The following GRK3 variants were observed in gnomAD, a reference collection of about 807,000 sequenced individuals.
The protein encoded by GRK3 is adrenergic, beta, receptor kinase 2.
Under a neutral mutation model 95.7 loss-of-function variants are expected in GRK3, and 54 were observed. That is an observed-to-expected ratio of 0.56 (90% CI 0.45 to 0.71). The LOEUF (loss-of-function observed/expected upper bound fraction) is 0.71, where lower values mean the gene tolerates loss of function less well. GRK3 is among the 30% of genes least tolerant of loss of function. The pLI is 0.00. For missense variants in GRK3, 649 were observed against 851.2 expected, an observed-to-expected ratio of 0.76 and a Z score of 2.96; for synonymous variants, 281 against 290.8, an observed-to-expected ratio of 0.97 and a Z score of 0.34.
chr22:25,725,799 A>G lies in GRK3; in HGVS notation c.*3349A>G, dbSNP rs2085468892. 10 of 377,182 alleles carry G rather than the reference A, an allele frequency of 2.7e-5. No individual in the cohort carries two copies. Among genetic ancestry groups the G allele is most frequent in the Admixed American group, 4.5e-5 (1 of 22,008 alleles). The allele number at this position is 377,182 out of a possible 1,614,324, so 23.4% of individuals were successfully genotyped here. On this transcript the variant is annotated 3_prime_UTR_variant, in exon 21 of 21. Transcript: ENST00000324198. ...GTCTCTACTAAAAATACAAATAAAAATTAGCCGGGCGTGGTGGCGGGCGCC... is the reference window on the plus strand; with the variant it reads ...GTCTCTACTAAAAATACAAATAAAAGTTAGCCGGGCGTGGTGGCGGGCGCC...
chr22:25,644,879 A>G (rs1183051921), intron 3 of GRK3, among the ~76,000 whole-genome samples: 1 of 152,202 alleles, frequency 6.6e-6, no homozygotes, highest in Non-Finnish European at 1.5e-5. Flanking sequence ...TCAGAGTGCT[A>G]TGGAAGCAAT....
chr22:25,686,494 G>A (rs2085115603), intron 10 of GRK3, among the ~76,000 whole-genome samples: 1 of 152,180 alleles, frequency 6.6e-6, no homozygotes, highest in Admixed American at 6.5e-5. Flanking sequence ...TCTTGATGTG[G>A]TGGTGGTTTT....
chr22:25,684,943 G>T (rs957855098), intron 9 of GRK3, among the ~76,000 whole-genome samples: 3 of 152,180 alleles, frequency 2.0e-5, no homozygotes, highest in African/African-American at 7.2e-5. Context: ...TCACCACAAA[G>T]AAGTGATAAT....
intron 18 of GRK3, 121 bp from the exon 19 acceptor site, chr22:25,718,124 G>A (rs1000305149): frequency 1.7e-5 from 19 of 1,114,818 alleles, no homozygotes; most frequent in East Asian, 2.4e-5. Flanking sequence ...TCTGTAATGC[G>A]TTCTATTTAT....
At chr22:25,668,880 C>T (rs906477562) in intron 6 of GRK3, among the ~76,000 whole-genome samples, 1 of 152,108 alleles carries the variant, frequency 6.6e-6, no homozygotes, top group Non-Finnish European at 1.5e-5. Flanking sequence ...TATAACTTTG[C>T]CATGCATCCT....
At chr22:25,595,660 A>G (rs1414894269) in intron 1 of GRK3, among the ~76,000 whole-genome samples, 1 of 152,248 alleles carries the variant, frequency 6.6e-6, no homozygotes, top group Admixed American at 6.5e-5. Context: ...AAATAAATAA[A>G]AAATTGCCAG....
rs573726071 is a variant in GRK3 at position 25,669,728 on chromosome 22, G to A, written c.503+1928G>A. Among the ~76,000 whole-genome samples the A allele has an allele frequency of 1.2e-3, 176 of 152,300 alleles. 1 individual carries two copies. Among genetic ancestry groups the A allele is most frequent in the African/African-American group, 4.1e-3 (172 of 41,568 alleles). ...AGGGCCATCTGTACTTCCTAAAGAGGAACTTGTTACAGCAAATCCATTCTT... is the reference window on the plus strand; with the variant it reads ...AGGGCCATCTGTACTTCCTAAAGAGAAACTTGTTACAGCAAATCCATTCTT... On this transcript the variant is annotated intron_variant, in intron 6 of 20. Transcript: ENST00000324198.
intron 13 of GRK3, among the ~76,000 whole-genome samples, chr22:25,696,112 G>C (rs1457394861): frequency 6.6e-6 from 1 of 151,932 alleles, no homozygotes; most frequent in African/African-American, 2.4e-5. Flanking sequence ...TGGGATTACA[G>C]GTATGAGCCA....
intron 3 of GRK3, chr22:25,648,744 G>A: frequency 8.9e-7 from 1 of 1,123,344 alleles, no homozygotes; most frequent in Admixed American, 1.7e-5. Context: ...TGCTCAGATT[G>A]CTGATGGTAT....
At chr22:25,616,371 CAGGAGAGAGAGGGA>C (rs1352490262) in intron 2 of GRK3, among the ~76,000 whole-genome samples, 1 of 151,266 alleles carries the variant, frequency 6.6e-6, no homozygotes, top group Non-Finnish European at 1.5e-5. Context: ...CACATGGCGG[CAGGAGAGAGAGGGA>C]GGGAGAGAGA....
Position 25,652,643 on chromosome 22 carries a change from G to T in GRK3, c.264+7978G>T, listed in dbSNP as rs2084840785. Among the ~76,000 whole-genome samples the T allele has an allele frequency of 5.3e-5, 8 of 151,890 alleles. 1 individual carries two copies. The South Asian group carries it at 1.7e-3, about 32-fold the overall frequency. On this transcript the variant is annotated intron_variant, in intron 3 of 20. Transcript: ENST00000324198. ...TTTCCATTGGATTGTAATCAGTCAGGGATGTTTATTTTAATTTCTAAGATA... is the reference window on the plus strand; with the variant it reads ...TTTCCATTGGATTGTAATCAGTCAGTGATGTTTATTTTAATTTCTAAGATA...
chr22:25,584,440 AT>A (rs1465374828), intron 1 of GRK3, among the ~76,000 whole-genome samples: 1 of 152,194 alleles, frequency 6.6e-6, no homozygotes, highest in Non-Finnish European at 1.5e-5. Context: ...TGTAACCCTT[AT>A]TTTATTGAAT....
intron 2 of GRK3, among the ~76,000 whole-genome samples, chr22:25,608,635 G>A (rs1267215370): frequency 6.6e-6 from 1 of 152,196 alleles, no homozygotes; most frequent in Non-Finnish European, 1.5e-5. Flanking sequence ...AGTGGCCCTG[G>A]CTGGCAGCAG....
intron 12 of GRK3, among the ~76,000 whole-genome samples, chr22:25,692,128 T>A (rs2085169670): frequency 6.6e-6 from 1 of 151,986 alleles, no homozygotes; most frequent in Admixed American, 6.6e-5. Flanking sequence ...AACATTCAGC[T>A]AATGTAAAAA....
Position 25,725,948 on chromosome 22 carries a change from C to CA in GRK3, c.*3509dup, listed in dbSNP as rs879101225. On this transcript the variant is annotated 3_prime_UTR_variant, in exon 21 of 21. Transcript: ENST00000324198. Reference sequence around the variant, plus strand: ...TGGGCGACAGAGCGAGACTCTGTCTCAAAAAAAAAAAGGAGGGGGGCTAAA... The same window carrying CA: ...TGGGCGACAGAGCGAGACTCTGTCTCAAAAAAAAAAAAGGAGGGGGGCTAAA... The CA allele has an allele frequency of 0.011, 1,696 of 158,800 alleles. No homozygotes were observed. Among genetic ancestry groups the CA allele is most frequent in the East Asian group, 0.019 (133 of 6,866 alleles). The allele number at this position is 158,800 out of a possible 1,614,324, so 9.8% of individuals were successfully genotyped here. A position where few individuals can be genotyped will look rare whatever the true frequency, so the allele number is the denominator to read the frequency against.
chr22:25,702,190 G>T (rs1185416878), intron 13 of GRK3, among the ~76,000 whole-genome samples: 2 of 151,654 alleles, frequency 1.3e-5, no homozygotes, highest in Non-Finnish European at 2.9e-5. Context: ...GCCCTCTCTT[G>T]TACAAAAAGA....
At chr22:25,642,428 A>G (rs1016221741) in intron 2 of GRK3, among the ~76,000 whole-genome samples, 1 of 152,162 alleles carries the variant, frequency 6.6e-6, no homozygotes, top group African/African-American at 2.4e-5. Context: ...GCAAGACTCC[A>G]TCTCAAAAAT....
At chr22:25,693,074 A>G (rs946291884) in intron 12 of GRK3, among the ~76,000 whole-genome samples, 2 of 152,256 alleles carry the variant, frequency 1.3e-5, no homozygotes, top group Non-Finnish European at 2.9e-5. Flanking sequence ...ACTGTGAAGT[A>G]GCCATGAAAA....
At chr22:25,643,724 A>G (rs1250157064) in intron 2 of GRK3, among the ~76,000 whole-genome samples, 2 of 152,190 alleles carry the variant, frequency 1.3e-5, no homozygotes, top group African/African-American at 2.4e-5. Context: ...TAGGTTTTCA[A>G]ATGGAATGGG....
Sources: gnomAD v4.1 joint callset for allele counts (sites outside exome capture counted in the v4.1 genomes callset) on GRCh38, gnomAD v4.1.1 for gene constraint, MANE v1.5 for transcripts, NCBI Gene and HGNC (gene_info 2026-07-23, HGNC 2026-07-21) for gene names.